Variants in FBXO21 observed in about 807,000 individuals in gnomAD.
FBXO21 encodes F-box only protein 21.
A neutral mutation model predicts 76.6 loss-of-function variants in FBXO21; 32 were observed. That is an observed-to-expected ratio of 0.42 (90% CI 0.32 to 0.56). The LOEUF (loss-of-function observed/expected upper bound fraction) is 0.56. Among genes scored for constraint, FBXO21 ranks in the 20% least tolerant of loss-of-function variants. The probability of loss-of-function intolerance (pLI) is 0.16; values close to 1 mark genes in which losing one functional copy is unlikely to be tolerated. For synonymous variants in FBXO21, 328 were observed against 311.5 expected, an observed-to-expected ratio of 1.05 and a Z score of -0.56; for missense variants, 586 against 797.3, an observed-to-expected ratio of 0.73 and a Z score of 3.19.
chr12:117,160,563 C>T (rs1174879628), intron 9 of FBXO21, among the ~76,000 whole-genome samples: 1 of 152,232 alleles, frequency 6.6e-6, no homozygotes, highest in African/African-American at 2.4e-5. Flanking sequence ...GTGGCATAAA[C>T]TGCCCCCGTG....
At chr12:117,177,362 T>C (rs974029919) in intron 4 of FBXO21, among the ~76,000 whole-genome samples, 158 bp downstream of exon 4, 3 of 152,244 alleles carry the variant, frequency 2.0e-5, no homozygotes, top group Admixed American at 6.5e-5. Flanking sequence ...AACTACCTCA[T>C]TGATCAGGCC....
At chr12:117,172,884 A>C (rs11612759) in intron 6 of FBXO21, among the ~76,000 whole-genome samples, 3,418 of 152,364 alleles carry the variant, frequency 0.022, 59 homozygotes, top group South Asian at 0.04. Flanking sequence ...TATGAAAGTA[A>C]CATGAAACTC....
In FBXO21 at chr12:117,177,525, A is replaced by C. The variant is rs1418722646; in HGVS notation, c.587T>G (p.Leu196Arg). 6.2e-7 allele frequency: 1 copy of C among 1,613,244 alleles called. No individual in the cohort carries two copies. Among genetic ancestry groups the C allele is most frequent in the East Asian group, 2.2e-5 (1 of 44,850 alleles). ...LQQPDDYESYLEGAVYIDQYC... is the reference protein window; with the variant it reads ...LQQPDDYESYREGAVYIDQYC... ...ATATATGGGAAAAGACCCACCTTCA[A>C]GATACGACTCATAGTCATCTGGCTG... Residue 196 changes from leucine (L) to arginine (R), a missense_variant, in exon 4 of 12, where the codon CTT becomes CGT. This residue lies in a region of FBXO21 where 246 missense variants were observed against 356.8 expected (regional missense o/e 0.69). Transcript: ENST00000622495.
chr12:117,158,815 A>C (rs1009437901), intron 9 of FBXO21, among the ~76,000 whole-genome samples: 1 of 152,204 alleles, frequency 6.6e-6, no homozygotes, highest in African/African-American at 2.4e-5. Context: ...TGACTCCACT[A>C]TTACCGCCTC....
At chr12:117,148,587 G>A (rs1007253266) in intron 11 of FBXO21, among the ~76,000 whole-genome samples, 3 of 152,230 alleles carry the variant, frequency 2.0e-5, no homozygotes, top group East Asian at 1.9e-4. Context: ...CACTTACAAC[G>A]TGCCAGACCC....
At chr12:117,173,896 C>T (rs1322017710) in intron 6 of FBXO21, among the ~76,000 whole-genome samples, 2 of 152,122 alleles carry the variant, frequency 1.3e-5, no homozygotes, top group East Asian at 1.9e-4. Flanking sequence ...ATAATCCCAG[C>T]GCTTTGGGAG....
intron 2 of FBXO21, among the ~76,000 whole-genome samples, chr12:117,187,618 G>T (rs1428078949): frequency 1.3e-5 from 2 of 152,128 alleles, no homozygotes; most frequent in African/African-American, 4.8e-5. Context: ...TGTGTTCAAA[G>T]TCCTTGACAT....
At chr12:117,176,344 G>C (rs1455947062) in intron 4 of FBXO21, among the ~76,000 whole-genome samples, 1 of 152,210 alleles carries the variant, frequency 6.6e-6, no homozygotes, top group Non-Finnish European at 1.5e-5. Context: ...ATTATGAGAA[G>C]GAGGGATATC....
At position 117,145,617 on chromosome 12, in the gene FBXO21, G is replaced by A. The variant is rs1220115781; in HGVS notation, c.*470C>T. The A allele has an allele frequency of 6.6e-6, 1 of 152,552 alleles. No homozygotes were observed. The highest frequency in any genetic ancestry group is 2.4e-5 in the African/African-American group (1 of 41,440). The allele number at this position is 152,552 out of a possible 1,614,324, so 9.4% of individuals were successfully genotyped here. ...CTCTGAATATGCAACTAACTTCAGG[G>A]TAAAAAGACACACAGTCCTCACTCG... On this transcript the variant is annotated 3_prime_UTR_variant, in exon 12 of 12. Transcript: ENST00000622495.
intron 10 of FBXO21, 54 bp downstream of exon 10, chr12:117,157,819 C>G: frequency 6.7e-7 from 1 of 1,485,634 alleles, no homozygotes; most frequent in Non-Finnish European, 9.1e-7. Context: ...GCATGTGTGT[C>G]TCTGCAGCCC....
In FBXO21 at chr12:117,183,255, CTTTTT is replaced by C. The variant is rs34160051; in HGVS notation, c.470+3217_470+3221del. 6.8e-5 allele frequency among the ~76,000 whole-genome samples: 10 copies of C among 147,334 alleles called. No individual in the cohort carries two copies. In the East Asian group the frequency reaches 2.0e-3, roughly 29 times the overall value. On this transcript the variant is annotated intron_variant, in intron 3 of 11. Coordinates refer to ENST00000622495, the MANE Select transcript of FBXO21 (RefSeq NM_015002.3). ...GGCAGTATCTCATTGCTGTTTAACA[CTTTTT>C]TTTTTTTGAGACGGAGTTTCACTCT...
intron 10 of FBXO21, among the ~76,000 whole-genome samples, 161 bp from the exon 11 acceptor site, chr12:117,156,109 A>C (rs1011470520): frequency 6.6e-6 from 1 of 152,168 alleles, no homozygotes; most frequent in African/African-American, 2.4e-5. Context: ...ACCTCTTATT[A>C]TCAACATAGC....
chr12:117,174,011 C>T (rs1256553167), intron 6 of FBXO21, among the ~76,000 whole-genome samples, 194 bp downstream of exon 6: 1 of 152,038 alleles, frequency 6.6e-6, no homozygotes, highest in Non-Finnish European at 1.5e-5. Flanking sequence ...GGTGTGGTGG[C>T]ATGTAGTCCT....
chr12:117,172,810 C>T (rs1956130876), intron 6 of FBXO21, among the ~76,000 whole-genome samples: 1 of 152,046 alleles, frequency 6.6e-6, no homozygotes, highest in South Asian at 2.1e-4. Flanking sequence ...TTTGTACAGC[C>T]TGTGTAAGAA....
chr12:117,157,779 C>T, intron 10 of FBXO21, 94 bp downstream of exon 10: 1 of 1,103,796 alleles, frequency 9.1e-7, no homozygotes, highest in Non-Finnish European at 1.3e-6. Flanking sequence ...GTCAGCTCCT[C>T]CTCCACTGTG....
rs3741469 is a variant in FBXO21 at position 117,144,314 on chromosome 12, G to A, written c.*1773C>T. On this transcript the variant is annotated 3_prime_UTR_variant, in exon 12 of 12. Transcript: ENST00000622495. Reference sequence around the variant, plus strand: ...AGTGTACAATCCTCCCAACCTTGGCGGGCCAGGTGCTGTGAGTGGTTACGT... The same window carrying A: ...AGTGTACAATCCTCCCAACCTTGGCAGGCCAGGTGCTGTGAGTGGTTACGT... 2.1e-4 allele frequency: 32 copies of A among 152,120 alleles called. No homozygotes were observed. The highest frequency in any genetic ancestry group is 7.7e-4 in the African/African-American group (32 of 41,428). The allele number at this position is 152,120 out of a possible 1,614,324, so 9.4% of individuals were successfully genotyped here.
rs751501418 is a variant in FBXO21, at chr12:117,166,965, ACAG to A, written c.1123_1125del (p.Leu375del). The A allele has an allele frequency of 6.2e-7, 1 of 1,614,062 alleles. No homozygotes were observed. The highest frequency in any genetic ancestry group is 1.1e-5 in the South Asian group (1 of 91,076). The stretch of plus-strand genomic sequence containing the variant: ...ACCTTCTTGACATTGACCACCCCAT[ACAG>A]TGCTGCAGTCACGTGCTGGCCGATC... On this transcript the variant is annotated inframe_deletion, in exon 8 of 12. Coordinates refer to ENST00000622495, the MANE Select transcript of FBXO21 (RefSeq NM_015002.3).
chr12:117,155,584 G>T (rs1415476875), intron 11 of FBXO21: 2 of 616,702 alleles, frequency 3.2e-6, no homozygotes, highest in African/African-American at 1.8e-5. Context: ...GGGAGGGCGG[G>T]TATGACTACT....
In FBXO21 at chr12:117,166,844, A is replaced by G. The variant is rs1288772962; in HGVS notation, c.1193+54T>C. 3 of 1,497,004 alleles carry G rather than the reference A, an allele frequency of 2.0e-6. No homozygotes were observed. The African/African-American group carries it at 4.2e-5, about 21-fold the overall frequency. 92.7% of individuals were successfully genotyped at this position (1,497,004 alleles called of 1,614,324 possible). On this transcript the variant is annotated intron_variant, in intron 8 of 11. Transcript: ENST00000622495. ...CTTGGCACATCTCAAACACAATTCAAGCCTCTAAAGACATGTGCTCTGCAG... is the reference window on the plus strand; with the variant it reads ...CTTGGCACATCTCAAACACAATTCAGGCCTCTAAAGACATGTGCTCTGCAG...
Sources: gnomAD v4.1 joint callset for allele counts (sites outside exome capture counted in the v4.1 genomes callset) on GRCh38, gnomAD v4.1.1 for gene constraint, gnomAD v4.1.1 regional missense constraint, MANE v1.5 for transcripts, NCBI Gene and HGNC (gene_info 2026-07-23, HGNC 2026-07-21) for gene names.